SEMA5A: variants seen among roughly 807,000 people sequenced by gnomAD.
SEMA5A encodes semaphorin 5A.
SEMA5A carries 55 observed loss-of-function variants against 135.5 expected under a neutral mutation model. The observed-to-expected ratio is 0.41, with a 90% CI of 0.33 to 0.51. The LOEUF is 0.51. SEMA5A is among the 20% of genes least tolerant of loss of function. The pLI, the probability that SEMA5A is intolerant of heterozygous loss-of-function variation, is 0.37. For missense variants in SEMA5A, 1,290 were observed against 1,419.9 expected (o/e 0.91, Z 1.47); for synonymous variants, 580 against 546.5 (o/e 1.06, Z -0.85).
At chr5:9,353,312 GGGAAAGGAAGGAAAGGAAA>G (rs1561177725) in intron 3 of SEMA5A, among the ~76,000 whole-genome samples, 2 of 63,534 alleles carry the variant, frequency 3.1e-5, no homozygotes, top group African/African-American at 5.2e-5. Flanking sequence ...GGGAAGGGAA[GGGAAAGGAAGGAAAGGAAA>G]GGAAATGAAA....
chr5:9,092,151 T>C (rs1458960455), intron 16 of SEMA5A, among the ~76,000 whole-genome samples: 1 of 152,178 alleles, frequency 6.6e-6, no homozygotes, highest in Non-Finnish European at 1.5e-5. Flanking sequence ...GAGCGATGCC[T>C]CATACTCATG....
In SEMA5A at chr5:9,173,687, A is replaced by G. The variant is rs143490928; in HGVS notation, c.1273+16580T>C. Among the ~76,000 whole-genome samples the G allele has an allele frequency of 9.0e-4, 137 of 152,268 alleles. 2 individuals are homozygous for G. In the East Asian group the frequency reaches 0.025, roughly 28 times the overall value. ...GGAATAAGGTTTCAACTTATTTTCA[A>G]TCTGGAGGGACACAGGCATTGGTAT... On this transcript the variant is annotated intron_variant, in intron 11 of 22. Transcript: ENST00000382496.
At chr5:9,509,981 C>A (rs754756069) in intron 1 of SEMA5A, among the ~76,000 whole-genome samples, 1 of 152,012 alleles carries the variant, frequency 6.6e-6, no homozygotes, top group Admixed American at 6.6e-5. Flanking sequence ...AGGAACTAAA[C>A]GCAGAGGAAA....
At chr5:9,496,499 T>C (rs941934396) in intron 1 of SEMA5A, among the ~76,000 whole-genome samples, 1 of 152,126 alleles carries the variant, frequency 6.6e-6, no homozygotes, top group East Asian at 1.9e-4. Flanking sequence ...ACCTAGACAG[T>C]CCACAGAGGC....
intron 8 of SEMA5A, among the ~76,000 whole-genome samples, chr5:9,212,409 G>A (rs935632493): frequency 4.6e-5 from 7 of 152,154 alleles, no homozygotes; most frequent in African/African-American, 1.4e-4. Context: ...TTTTAAGAGC[G>A]ACTTTGGCAC....
intron 2 of SEMA5A, among the ~76,000 whole-genome samples, chr5:9,431,117 T>G (rs1757842061): frequency 6.6e-6 from 1 of 152,170 alleles, no homozygotes; most frequent in African/African-American, 2.4e-5. Context: ...GCTGGAATAT[T>G]GTGATTGGCC....
chr5:9,269,804 T>A (rs189611132), intron 5 of SEMA5A, among the ~76,000 whole-genome samples: 9 of 152,246 alleles, frequency 5.9e-5, no homozygotes, highest in Middle Eastern at 3.4e-3. Context: ...AACATAAGAA[T>A]TAGTTCTAAC....
intron 11 of SEMA5A, among the ~76,000 whole-genome samples, chr5:9,187,643 G>A (rs1466788494): frequency 1.3e-5 from 2 of 152,132 alleles, no homozygotes; most frequent in Admixed American, 6.5e-5. Context: ...CCCAACTTGT[G>A]ATTCAAATTA....
intron 3 of SEMA5A, among the ~76,000 whole-genome samples, chr5:9,350,927 T>C (rs1339417045): frequency 6.6e-6 from 1 of 152,184 alleles, no homozygotes; most frequent in Non-Finnish European, 1.5e-5. Context: ...TTCTAGAAAA[T>C]CATTGAACCT....
intron 2 of SEMA5A, among the ~76,000 whole-genome samples, chr5:9,412,120 G>T (rs908455150): frequency 6.6e-6 from 1 of 152,096 alleles, no homozygotes; most frequent in African/African-American, 2.4e-5. Flanking sequence ...TGTTTAGAAT[G>T]ACATAGAAGG....
At position 9,252,970 on chromosome 5, in the gene SEMA5A, G is replaced by C. The variant is rs151228015; in HGVS notation, c.271-15080C>G. Among the ~76,000 whole-genome samples the C allele has an allele frequency of 1.2e-4, 18 of 152,126 alleles. No homozygotes were observed. The East Asian group carries it at 3.1e-3, about 26-fold the overall frequency. ...AGAACACAGCTCTTCCTCATCCCCA[G>C]CCTCACTATCCCCCTACTCTCCTCT... On this transcript the variant is annotated intron_variant, in intron 5 of 22. Coordinates refer to ENST00000382496, the MANE Select transcript of SEMA5A (RefSeq NM_003966.3).
chr5:9,504,582 G>A (rs192708074), intron 1 of SEMA5A, among the ~76,000 whole-genome samples: 24 of 152,330 alleles, frequency 1.6e-4, no homozygotes, highest in African/African-American at 5.3e-4. Context: ...ATGGTGAGGC[G>A]CAAGGGGAAT....
chr5:9,284,648 G>T (rs926611673), intron 5 of SEMA5A, among the ~76,000 whole-genome samples: 6 of 151,988 alleles, frequency 3.9e-5, no homozygotes, highest in African/African-American at 1.5e-4. Flanking sequence ...TTCTTTTGGG[G>T]GGTAAAATTT....
intron 5 of SEMA5A, among the ~76,000 whole-genome samples, chr5:9,259,561 T>C (rs1749288289): frequency 1.3e-5 from 2 of 151,954 alleles, no homozygotes; most frequent in African/African-American, 4.8e-5. Context: ...TGTAGATGTC[T>C]ATTAGGTCTG....
chr5:9,065,879 T>C (rs528483331), intron 17 of SEMA5A, among the ~76,000 whole-genome samples: 2 of 152,316 alleles, frequency 1.3e-5, no homozygotes, highest in South Asian at 4.1e-4. Context: ...GCCTCAGGGC[T>C]TTCTCCATGC....
chr5:9,050,553 T>G lies in SEMA5A; in HGVS notation c.2846-96A>C. The G allele has an allele frequency of 4.9e-6, 5 of 1,014,180 alleles. No individual in the cohort carries two copies. In the East Asian group the frequency reaches 1.4e-4, roughly 29 times the overall value. 62.8% of individuals were successfully genotyped at this position (1,014,180 alleles called of 1,614,324 possible). On this transcript the variant is annotated intron_variant, in intron 20 of 22. Coordinates refer to ENST00000382496, the MANE Select transcript of SEMA5A (RefSeq NM_003966.3). ...TATGTTTGTCTAATGATTCTGAATGTTATGTGACACAAAGTTTCAAAAGCT... is the reference window on the plus strand; with the variant it reads ...TATGTTTGTCTAATGATTCTGAATGGTATGTGACACAAAGTTTCAAAAGCT...
intron 5 of SEMA5A, among the ~76,000 whole-genome samples, chr5:9,310,675 G>T (rs908288691): frequency 6.6e-5 from 10 of 151,308 alleles, no homozygotes; most frequent in African/African-American, 2.2e-4. Context: ...ATTAGAGAGG[G>T]TATTATAAAT....
intron 1 of SEMA5A, among the ~76,000 whole-genome samples, chr5:9,516,221 G>A (rs566595121): frequency 2.0e-4 from 30 of 151,986 alleles, no homozygotes; most frequent in Non-Finnish European, 1.6e-4. Flanking sequence ...CTCTGCACAC[G>A]TATACACCAC....
rs1738032197 is a variant in SEMA5A at position 9,540,638 on chromosome 5, C to G, written c.-175+4946G>C. ...GAAAAGAAAATCAGTAGTTTTACAA[C>G]AAACCTAAATCTCAGTCCTGTAAAA... On this transcript the variant is annotated intron_variant, in intron 1 of 22. Transcript: ENST00000382496. Among the ~76,000 whole-genome samples the G allele has an allele frequency of 9.9e-5, 15 of 152,158 alleles. 1 individual carries two copies. The highest frequency in any genetic ancestry group is 9.8e-4 in the Admixed American group (15 of 15,284).
Sources: allele counts gnomAD v4.1 joint callset (sites outside exome capture counted in the v4.1 genomes callset), GRCh38; gene constraint gnomAD v4.1.1; transcripts MANE v1.5; gene names NCBI Gene and HGNC (gene_info 2026-07-23, HGNC 2026-07-21).